SGCZ: variants seen among roughly 807,000 people sequenced by gnomAD.
SGCZ encodes the protein zeta-sarcoglycan.
In SGCZ, 40 loss-of-function variants were observed where a neutral mutation model predicts 41.3. The ratio of observed to expected loss-of-function variants is 0.97; its 90% CI spans 0.75 to 1.26. SGCZ has a LOEUF of 1.26. Among genes scored for constraint, SGCZ ranks in the 50% most tolerant of loss-of-function variants. SGCZ has a pLI of 0.00. For synonymous variants in SGCZ, 206 were observed against 137.5 expected (o/e 1.50, Z -3.49); for missense variants, 552 against 369.8 (o/e 1.49, Z -4.04).
At chr8:14,649,297 G>T (rs1807322595) in intron 1 of SGCZ, among the ~76,000 whole-genome samples, 1 of 152,076 alleles carries the variant, frequency 6.6e-6, no homozygotes, top group African/African-American at 2.4e-5. Flanking sequence ...AGACTCTTGA[G>T]CAACTAAGTA....
intron 1 of SGCZ, among the ~76,000 whole-genome samples, chr8:15,106,086 T>C (rs1563128804): frequency 6.6e-6 from 1 of 152,202 alleles, no homozygotes; most frequent in Non-Finnish European, 1.5e-5. Flanking sequence ...TGCTGTAATA[T>C]CTAGCATTCC....
chr8:14,921,009 G>A (rs1025537454), intron 1 of SGCZ, among the ~76,000 whole-genome samples: 1 of 152,142 alleles, frequency 6.6e-6, no homozygotes, highest in Non-Finnish European at 1.5e-5. Context: ...CAGTAGTGTA[G>A]CCCATATCCA....
chr8:14,518,995 G>A (rs191904159), intron 2 of SGCZ, among the ~76,000 whole-genome samples: 97 of 150,690 alleles, frequency 6.4e-4, no homozygotes, highest in African/African-American at 2.3e-3. Flanking sequence ...CTTGAACCCA[G>A]GAGGCATAGT....
At chr8:14,220,725 T>C (rs966919622) in intron 4 of SGCZ, among the ~76,000 whole-genome samples, 1 of 152,020 alleles carries the variant, frequency 6.6e-6, no homozygotes, top group African/African-American at 2.4e-5. Flanking sequence ...AGGCGGAGCT[T>C]GCAGTGAGCT....
chr8:14,286,081 G>GTT (rs3068480), intron 3 of SGCZ, among the ~76,000 whole-genome samples: 53 of 151,116 alleles, frequency 3.5e-4, no homozygotes, highest in African/African-American at 1.0e-3. Flanking sequence ...AATGTATTTT[G>GTT]TTTTTTTTCT....
chr8:14,618,013 A>G (rs192558238), intron 1 of SGCZ, among the ~76,000 whole-genome samples: 5 of 152,094 alleles, frequency 3.3e-5, no homozygotes, highest in Non-Finnish European at 7.4e-5. Flanking sequence ...TTGAGTTTCC[A>G]TTTTTCTGAG....
At chr8:14,548,974 G>A (rs1036360028) in intron 2 of SGCZ, among the ~76,000 whole-genome samples, 1 of 152,064 alleles carries the variant, frequency 6.6e-6, no homozygotes, top group Non-Finnish European at 1.5e-5. Flanking sequence ...TTCTCTTCCT[G>A]TTAAAGGCCA....
At chr8:14,106,075 T>C (rs1563129766) in intron 6 of SGCZ, among the ~76,000 whole-genome samples, 2 of 152,196 alleles carry the variant, frequency 1.3e-5, no homozygotes, top group Non-Finnish European at 2.9e-5. Context: ...GCCACTTTCC[T>C]TATATCCCAT....
intron 4 of SGCZ, among the ~76,000 whole-genome samples, chr8:14,171,767 C>A (rs1345193310): frequency 8.0e-6 from 1 of 124,986 alleles, no homozygotes; most frequent in South Asian, 2.3e-4. Context: ...GATATCTAAG[C>A]TATGCTTATT....
intron 1 of SGCZ, among the ~76,000 whole-genome samples, chr8:14,687,170 A>T (rs1266583012): frequency 7.0e-6 from 1 of 142,060 alleles, no homozygotes; most frequent in Non-Finnish European, 1.5e-5. Flanking sequence ...AAGAAAAAAA[A>T]AATATATATA....
intron 1 of SGCZ, among the ~76,000 whole-genome samples, chr8:14,997,046 C>G (rs1802242964): frequency 6.6e-6 from 1 of 152,166 alleles, no homozygotes. Context: ...GCTCTAATGT[C>G]TTCCTTAGCT....
intron 7 of SGCZ, among the ~76,000 whole-genome samples, 197 bp downstream of exon 7, chr8:14,102,179 C>T (rs927638842): frequency 3.3e-5 from 5 of 150,378 alleles, no homozygotes; most frequent in Non-Finnish European, 7.4e-5. Flanking sequence ...ACCTCGTGAT[C>T]TGCCTGCCTT....
intron 1 of SGCZ, among the ~76,000 whole-genome samples, chr8:14,881,030 A>G (rs1168002675): frequency 6.6e-6 from 1 of 152,104 alleles, no homozygotes; most frequent in Admixed American, 6.5e-5. Context: ...GTCTTAGTTC[A>G]AGTTGTATTA....
intron 2 of SGCZ, among the ~76,000 whole-genome samples, chr8:14,389,575 A>C (rs1243566789): frequency 6.6e-6 from 1 of 151,910 alleles, no homozygotes; most frequent in Non-Finnish European, 1.5e-5. Flanking sequence ...TGAAACTCTA[A>C]TCAGGGTGAA....
intron 2 of SGCZ, among the ~76,000 whole-genome samples, chr8:14,451,585 A>G (rs894671422): frequency 2.0e-5 from 3 of 152,192 alleles, no homozygotes; most frequent in African/African-American, 7.2e-5. Context: ...TATTTGCAAA[A>G]GACAGATCTG....
chr8:14,267,562 T>A (rs958676913), intron 3 of SGCZ, among the ~76,000 whole-genome samples: 1 of 152,112 alleles, frequency 6.6e-6, no homozygotes, highest in African/African-American at 2.4e-5. Flanking sequence ...CTCATGATGC[T>A]ATTATGCATA....
chr8:15,042,986 C>T (rs1436533102), intron 1 of SGCZ, among the ~76,000 whole-genome samples: 1 of 152,146 alleles, frequency 6.6e-6, no homozygotes, highest in Non-Finnish European at 1.5e-5. Context: ...CATAGAACTT[C>T]ATGATTAGCT....
intron 1 of SGCZ, among the ~76,000 whole-genome samples, chr8:14,932,267 A>C (rs1276024214): frequency 6.6e-6 from 1 of 151,976 alleles, no homozygotes; most frequent in Non-Finnish European, 1.5e-5. Flanking sequence ...AAATATTATA[A>C]CATAAAATCT....
intron 2 of SGCZ, among the ~76,000 whole-genome samples, chr8:14,361,368 G>A (rs1803506104): frequency 6.6e-6 from 1 of 151,988 alleles, no homozygotes; most frequent in Non-Finnish European, 1.5e-5. Flanking sequence ...ATTTCTTGAA[G>A]GTTTTGTTTC....
Sources: gnomAD v4.1 joint callset for allele counts (sites outside exome capture counted in the v4.1 genomes callset) on GRCh38, gnomAD v4.1.1 for gene constraint, MANE v1.5 for transcripts, NCBI Gene and HGNC (gene_info 2026-07-23, HGNC 2026-07-21) for gene names.